RGL1: variants seen among roughly 807,000 people sequenced by gnomAD.
RGL1 encodes ral guanine nucleotide dissociation stimulator-like 1.
Under a neutral mutation model 95.2 loss-of-function variants are expected in RGL1, and 24 were observed. The observed-to-expected ratio is 0.25, with a 90% CI of 0.18 to 0.35. The LOEUF is 0.35. Among genes scored for constraint, RGL1 ranks in the 10% least tolerant of loss-of-function variants. RGL1 has a pLI of 1.00. For synonymous variants in RGL1, 329 were observed against 344.9 expected (o/e 0.95, Z 0.51); for missense variants, 715 against 936.3 (o/e 0.76, Z 3.08).
intron 1 of RGL1, chr1:183,742,065 G>C: frequency 8.6e-6 from 12 of 1,402,002 alleles, no homozygotes; most frequent in Non-Finnish European, 8.9e-6. Context: ...AATTTGCTTC[G>C]ATGTCTCTTT....
chr1:183,888,120 T>C (rs577577666), intron 7 of RGL1, among the ~76,000 whole-genome samples: 2 of 152,288 alleles, frequency 1.3e-5, no homozygotes, highest in East Asian at 3.9e-4. Context: ...AAGTGCATAT[T>C]TTTAGGACAT....
intron 2 of RGL1, among the ~76,000 whole-genome samples, chr1:183,766,029 T>C (rs1658942269): frequency 6.6e-6 from 1 of 151,746 alleles, no homozygotes; most frequent in Non-Finnish European, 1.5e-5. Flanking sequence ...CATGTATACA[T>C]ATGTAACAAA....
At chr1:183,678,447 C>A (rs954721474) in intron 1 of RGL1, among the ~76,000 whole-genome samples, 1 of 152,156 alleles carries the variant, frequency 6.6e-6, no homozygotes, top group Non-Finnish European at 1.5e-5. Context: ...TTCTGTATTA[C>A]TAACATAGTC....
chr1:183,761,125 A>T (rs556230521), intron 2 of RGL1, among the ~76,000 whole-genome samples: 25 of 152,272 alleles, frequency 1.6e-4, no homozygotes, highest in African/African-American at 5.8e-4. Context: ...TGATATTTTG[A>T]CCTTCTCTCA....
chr1:183,842,635 A>G (rs1558242428), intron 2 of RGL1, among the ~76,000 whole-genome samples: 1 of 152,206 alleles, frequency 6.6e-6, no homozygotes, highest in Non-Finnish European at 1.5e-5. Context: ...TTTTGTGGTC[A>G]CAGTACCGTG....
chr1:183,755,708 G>A (rs543404081), intron 2 of RGL1, among the ~76,000 whole-genome samples: 6 of 152,184 alleles, frequency 3.9e-5, no homozygotes, highest in Non-Finnish European at 5.9e-5. Flanking sequence ...ACGGACAATG[G>A]GATGAGGGAA....
Position 183,880,813 on chromosome 1 carries a change from T to C in RGL1, c.610+13T>C. On this transcript the variant is annotated intron_variant, in intron 5 of 17. Coordinates refer to ENST00000360851, the MANE Select transcript of RGL1 (RefSeq NM_001297671.3). ...GTGGAAACTGACAGTGAGTACTTGT[T>C]TGTTCCCAGGGAAAAGGCTAGATTC... is the stretch of plus-strand genomic sequence containing the variant. The C allele has an allele frequency of 6.2e-7, 1 of 1,611,874 alleles. No homozygotes were observed.
intron 1 of RGL1, among the ~76,000 whole-genome samples, chr1:183,640,491 TAAA>T (rs1333566557): frequency 6.6e-6 from 1 of 152,004 alleles, no homozygotes; most frequent in Non-Finnish European, 1.5e-5. Flanking sequence ...CTTCAAAGAT[TAAA>T]AAAAATTGTA....
At chr1:183,833,228 A>G (rs992716288) in intron 2 of RGL1, among the ~76,000 whole-genome samples, 11 of 152,346 alleles carry the variant, frequency 7.2e-5, no homozygotes, top group African/African-American at 2.2e-4. Flanking sequence ...GATGAAGATA[A>G]TATTCTTAGT....
intron 2 of RGL1, among the ~76,000 whole-genome samples, chr1:183,837,170 A>T (rs1446361321): frequency 6.6e-6 from 1 of 152,216 alleles, no homozygotes; most frequent in African/African-American, 2.4e-5. Flanking sequence ...TAAATCTCAC[A>T]AGGAGATAAA....
At chr1:183,830,419 A>G (rs1663180824) in intron 2 of RGL1, among the ~76,000 whole-genome samples, 1 of 152,156 alleles carries the variant, frequency 6.6e-6, no homozygotes, top group Non-Finnish European at 1.5e-5. Context: ...TCACAAGTAA[A>G]TTTCTTGCAA....
At chr1:183,889,788 C>T (rs1213383150) in intron 8 of RGL1, among the ~76,000 whole-genome samples, 1 of 152,160 alleles carries the variant, frequency 6.6e-6, no homozygotes, top group African/African-American at 2.4e-5. Flanking sequence ...GCCACAGCTA[C>T]TTGCACTCCA....
chr1:183,729,321 C>T (rs1426974353), intron 1 of RGL1, among the ~76,000 whole-genome samples: 1 of 151,786 alleles, frequency 6.6e-6, no homozygotes, highest in Non-Finnish European at 1.5e-5. Flanking sequence ...CAAACTTTAC[C>T]AAAGAAGATA....
chr1:183,643,967 AG>A (rs1335772420), intron 1 of RGL1, among the ~76,000 whole-genome samples: 3 of 152,188 alleles, frequency 2.0e-5, no homozygotes, highest in African/African-American at 7.2e-5. Flanking sequence ...CCTGGGCGAC[AG>A]GGGAGTGGGG....
chr1:183,871,568 G>A (rs1164932970), intron 4 of RGL1, among the ~76,000 whole-genome samples: 5 of 152,192 alleles, frequency 3.3e-5, no homozygotes, highest in Admixed American at 1.3e-4. Flanking sequence ...CGTTTTAGCT[G>A]TAAAGCAAAG....
intron 3 of RGL1, among the ~76,000 whole-genome samples, chr1:183,861,711 T>C (rs1237979674): frequency 6.6e-6 from 1 of 152,262 alleles, no homozygotes; most frequent in Non-Finnish European, 1.5e-5. Context: ...GTAAGCCTTC[T>C]TAAGAGGTTG....
At chr1:183,674,260 T>C (rs76439498) in intron 1 of RGL1, among the ~76,000 whole-genome samples, 10,049 of 152,268 alleles carry the variant, frequency 0.066, 548 homozygotes, top group African/African-American at 0.15. Flanking sequence ...AGTATGTAAA[T>C]TCCAAATACT....
At chr1:183,901,490 C>T (rs1045302683) in intron 11 of RGL1, among the ~76,000 whole-genome samples, 5 of 151,938 alleles carry the variant, frequency 3.3e-5, no homozygotes, top group Admixed American at 2.0e-4. Context: ...GAGTGAGACT[C>T]GGTCTCAAAC....
intron 2 of RGL1, among the ~76,000 whole-genome samples, chr1:183,811,655 A>G (rs1165922465): frequency 6.6e-6 from 1 of 152,202 alleles, no homozygotes; most frequent in Non-Finnish European, 1.5e-5. Flanking sequence ...ATTGCCTGAG[A>G]TATTATTACA....
Sources: allele counts gnomAD v4.1 joint callset (sites outside exome capture counted in the v4.1 genomes callset), GRCh38; gene constraint gnomAD v4.1.1; transcripts MANE v1.5; gene names NCBI Gene and HGNC (gene_info 2026-07-23, HGNC 2026-07-21).